Variants in MAGI2 observed in about 807,000 individuals in gnomAD.
The protein encoded by MAGI2 is membrane associated guanylate kinase, WW and PDZ domain containing 2.
A neutral mutation model predicts 133.3 loss-of-function variants in MAGI2; 35 were observed. The observed-to-expected ratio is 0.26, with a 90% confidence interval of 0.20 to 0.35. The LOEUF (loss-of-function observed/expected upper bound fraction) is 0.35, where lower values mean the gene tolerates loss of function less well. MAGI2 is among the 10% of genes least tolerant of loss of function. The pLI, the probability that MAGI2 is intolerant of heterozygous loss-of-function variation, is 1.00. For synonymous variants in MAGI2, 729 were observed against 710.6 expected (o/e 1.03, Z -0.41); for missense variants, 1,636 against 1,863.4 (o/e 0.88, Z 2.25).
chr7:78,931,176 A>C (rs145431861), intron 2 of MAGI2, among the ~76,000 whole-genome samples: 173 of 152,216 alleles, frequency 1.1e-3, no homozygotes, highest in African/African-American at 3.9e-3. Context: ...GCTATGAGTG[A>C]AGAGTGGCAG....
chr7:78,413,838 TCTC>T (rs1798065180), intron 6 of MAGI2, among the ~76,000 whole-genome samples: 1 of 151,670 alleles, frequency 6.6e-6, no homozygotes, highest in South Asian at 2.1e-4. Flanking sequence ...CGAAAGAAAA[TCTC>T]CTATAACTGT....
At position 78,642,873 on chromosome 7, in the gene MAGI2, A is replaced by C. The variant is rs569697450; in HGVS notation, c.419-15634T>G. On this transcript the variant is annotated intron_variant, in intron 2 of 21. Coordinates refer to ENST00000354212, the MANE Select transcript of MAGI2 (RefSeq NM_012301.4). ...GGCAGTACAGGCCAGGCTTCTAAGC[A>C]ATGGTGCACTCCACCAACATCCACA... Among the ~76,000 whole-genome samples, 6 of 152,300 alleles carry C rather than the reference A, an allele frequency of 3.9e-5. No individual in the cohort carries two copies. The South Asian group carries it at 1.2e-3, about 32-fold the overall frequency.
At chr7:79,302,976 C>T (rs1837500161) in intron 1 of MAGI2, among the ~76,000 whole-genome samples, 1 of 152,168 alleles carries the variant, frequency 6.6e-6, no homozygotes, top group Admixed American at 6.5e-5. Context: ...ACACATGAGT[C>T]ATACTGTTTA....
intron 3 of MAGI2, among the ~76,000 whole-genome samples, chr7:78,585,184 T>C (rs985066742): frequency 6.6e-5 from 10 of 152,198 alleles, no homozygotes; most frequent in Admixed American, 4.6e-4. Context: ...TCAAATCTAT[T>C]GTGTGTCAGC....
chr7:79,249,496 G>A (rs1322306239), intron 1 of MAGI2, among the ~76,000 whole-genome samples: 1 of 151,832 alleles, frequency 6.6e-6, no homozygotes, highest in Non-Finnish European at 1.5e-5. Context: ...AAATTCAAAG[G>A]ATCATTAGAA....
intron 1 of MAGI2, among the ~76,000 whole-genome samples, chr7:79,312,898 C>A (rs1391101501): frequency 1.3e-5 from 2 of 152,172 alleles, no homozygotes; most frequent in Non-Finnish European, 2.9e-5. Context: ...CCTCCTCCCC[C>A]TCCACCCACC....
At chr7:79,078,540 C>T (rs1815752815) in intron 1 of MAGI2, among the ~76,000 whole-genome samples, 1 of 152,140 alleles carries the variant, frequency 6.6e-6, no homozygotes, top group Non-Finnish European at 1.5e-5. Flanking sequence ...ATCACAAAGT[C>T]TACTCTTGGC....
At position 78,450,588 on chromosome 7, in the gene MAGI2, T is replaced by A. The variant is rs1788618165; in HGVS notation, c.1045+39173A>T. 2.0e-5 allele frequency among the ~76,000 whole-genome samples: 3 copies of A among 152,142 alleles called. No homozygotes were observed. In the South Asian group the frequency reaches 6.2e-4, roughly 31 times the overall value. ...GAGTTGAAAACATTCTTAGGAAGACTGTGTGATTAAAACAGGTCTTTATTA... is the reference window on the plus strand; with the variant it reads ...GAGTTGAAAACATTCTTAGGAAGACAGTGTGATTAAAACAGGTCTTTATTA... On this transcript the variant is annotated intron_variant, in intron 6 of 21. Transcript: ENST00000354212.
chr7:79,215,853 T>C (rs192837455), intron 1 of MAGI2, among the ~76,000 whole-genome samples: 118 of 152,042 alleles, frequency 7.8e-4, no homozygotes, highest in Non-Finnish European at 1.3e-3. Context: ...AACTTCTAAA[T>C]TGATGGAGAC....
intron 3 of MAGI2, among the ~76,000 whole-genome samples, chr7:78,549,827 GTGTT>G: frequency 6.6e-6 from 1 of 152,190 alleles, no homozygotes; most frequent in East Asian, 1.9e-4. Flanking sequence ...GCCTATTTGT[GTGTT>G]TGTTACCATG....
At chr7:78,610,866 A>T (rs1806364515) in intron 3 of MAGI2, among the ~76,000 whole-genome samples, 1 of 152,226 alleles carries the variant, frequency 6.6e-6, no homozygotes, top group South Asian at 2.1e-4. Flanking sequence ...AAAGGGAAAT[A>T]GGGTAAATCT....
At chr7:78,684,107 TATA>T (rs1423286294) in intron 2 of MAGI2, among the ~76,000 whole-genome samples, 1 of 152,140 alleles carries the variant, frequency 6.6e-6, no homozygotes, top group Non-Finnish European at 1.5e-5. Flanking sequence ...ATAGTATGTA[TATA>T]ATAAGGATCC....
rs73150212 is a variant in MAGI2 at position 78,214,018 on chromosome 7, C to T, written c.2048-12825G>A. On this transcript the variant is annotated intron_variant, in intron 10 of 21. Coordinates refer to ENST00000354212, the MANE Select transcript of MAGI2 (RefSeq NM_012301.4). ...TGATTGCTGTTGAGTTGGAATAAAA[C>T]GTGAGACCTACTGCTCCATAATTGG... 7.2e-3 allele frequency among the ~76,000 whole-genome samples: 1,098 copies of T among 152,290 alleles called. 2 individuals are homozygous for T. Among genetic ancestry groups the T allele is most frequent in the Non-Finnish European group, 9.2e-3 (623 of 68,022 alleles).
intron 2 of MAGI2, among the ~76,000 whole-genome samples, chr7:78,663,751 G>A (rs548436235): frequency 6.6e-6 from 1 of 152,228 alleles, no homozygotes; most frequent in East Asian, 1.9e-4. Context: ...CTTAAATATA[G>A]AAAGAAATAG....
intron 2 of MAGI2, among the ~76,000 whole-genome samples, chr7:78,977,539 T>C (rs1804400039): frequency 6.7e-6 from 1 of 148,510 alleles, no homozygotes; most frequent in Admixed American, 6.7e-5. Context: ...GCAAAGACCT[T>C]ACAATTTACA....
intron 6 of MAGI2, among the ~76,000 whole-genome samples, chr7:78,473,581 C>A (rs1791444199): frequency 6.6e-6 from 1 of 152,058 alleles, no homozygotes; most frequent in South Asian, 2.1e-4. Context: ...CTGTAAAACT[C>A]AGTGCAAACA....
intron 21 of MAGI2, among the ~76,000 whole-genome samples, chr7:78,062,403 T>C (rs1439347380): frequency 1.3e-5 from 2 of 152,254 alleles, no homozygotes; most frequent in South Asian, 4.1e-4. Context: ...TTGAGTGCTA[T>C]GTGCCTGGCA....
At chr7:79,371,834 A>G (rs1050482991) in intron 1 of MAGI2, among the ~76,000 whole-genome samples, 2 of 152,126 alleles carry the variant, frequency 1.3e-5, no homozygotes, top group Non-Finnish European at 2.9e-5. Flanking sequence ...TAAAAATGCA[A>G]TTTTAGCTCA....
At chr7:78,877,871 T>C (rs763638529) in intron 2 of MAGI2, among the ~76,000 whole-genome samples, 2 of 152,210 alleles carry the variant, frequency 1.3e-5, no homozygotes, top group Non-Finnish European at 2.9e-5. Context: ...TTGAGCTGAC[T>C]TGCCTAAAAG....
Sources: allele counts gnomAD v4.1 joint callset (sites outside exome capture counted in the v4.1 genomes callset), GRCh38; gene constraint gnomAD v4.1.1; transcripts MANE v1.5; gene names NCBI Gene and HGNC (gene_info 2026-07-23, HGNC 2026-07-21).